Variants in PTPRA observed in about 807,000 individuals in gnomAD.
PTPRA encodes the protein protein tyrosine phosphatase receptor type A.
In PTPRA, 25 loss-of-function variants were observed where a neutral mutation model predicts 104.8. That is an observed-to-expected ratio of 0.24 (90% CI 0.17 to 0.33). PTPRA has a LOEUF of 0.33. PTPRA is among the 10% of genes least tolerant of loss of function. The probability of loss-of-function intolerance (pLI) is 1.00; values close to 1 mark genes in which losing one functional copy is unlikely to be tolerated. For synonymous variants in PTPRA, 323 were observed against 368.9 expected (o/e 0.88, Z 1.43); for missense variants, 765 against 1,015.3 (o/e 0.75, Z 3.35).
chr20:2,945,374 C>G (rs1172948867), intron 2 of PTPRA, among the ~76,000 whole-genome samples: 1 of 152,030 alleles, frequency 6.6e-6, no homozygotes, highest in African/African-American at 2.4e-5. Flanking sequence ...CTAGCTTTGC[C>G]TAGGAGTCTT....
In PTPRA at chr20:2,956,950, C is replaced by A. The variant is rs577973437; in HGVS notation, c.-6-7322C>A. Among the ~76,000 whole-genome samples the A allele has an allele frequency of 3.9e-5, 6 of 152,296 alleles. No individual in the cohort carries two copies. In the South Asian group the frequency reaches 1.2e-3, roughly 32 times the overall value. ...TTTACTCAAACTCTTGCCAATGCAG[C>A]ATTATCAAAGTTTTTTATGTTCGCC... is the stretch of plus-strand genomic sequence containing the variant. On this transcript the variant is annotated intron_variant, in intron 3 of 23. Coordinates refer to ENST00000399903, the MANE Select transcript of PTPRA (RefSeq NM_001385305.1).
At chr20:2,870,530 A>G (rs537360714), upstream of PTPRA, among the ~76,000 whole-genome samples, 2 of 152,286 alleles carry the variant, frequency 1.3e-5, no homozygotes, top group Admixed American at 6.5e-5. Context: ...TCCTATCCAG[A>G]ATGTAAGCTC....
At chr20:2,924,808 G>A (rs957380253) in intron 2 of PTPRA, among the ~76,000 whole-genome samples, 1 of 152,088 alleles carries the variant, frequency 6.6e-6, no homozygotes, top group Non-Finnish European at 1.5e-5. Context: ...AGCTTCCCAA[G>A]TAGCTGGGAT....
chr20:2,960,062 T>C (rs1010459437), intron 3 of PTPRA, among the ~76,000 whole-genome samples: 3 of 152,204 alleles, frequency 2.0e-5, no homozygotes, highest in South Asian at 2.1e-4. Context: ...TTTGTTGCAA[T>C]TGATGGACCA....
At position 2,950,410 on chromosome 20, in the gene PTPRA, G is replaced by A. The variant is rs1274369863; in HGVS notation, c.-7+2386G>A. Reference sequence around the variant, plus strand: ...TCCCAGCACTTTGGGAGGCCGAGGCGGGCGGATCACGAGGTCAAGAGATCG... The same window carrying A: ...TCCCAGCACTTTGGGAGGCCGAGGCAGGCGGATCACGAGGTCAAGAGATCG... On this transcript the variant is annotated intron_variant, in intron 3 of 23. Transcript: ENST00000399903. The surrounding 1 kb of genome is among the most constrained non-coding windows in gnomAD (Gnocchi z 4.0). Among the ~76,000 whole-genome samples the A allele has an allele frequency of 1.3e-5, 2 of 152,000 alleles. No individual in the cohort carries two copies. Among genetic ancestry groups the A allele is most frequent in the Admixed American group, 6.6e-5 (1 of 15,252 alleles).
chr20:2,924,270 C>CATG (rs2060209230), intron 2 of PTPRA, among the ~76,000 whole-genome samples: 1 of 152,084 alleles, frequency 6.6e-6, no homozygotes, highest in African/African-American at 2.4e-5. Flanking sequence ...AGTGTGGTGG[C>CATG]TCACGCCTGT....
At chr20:2,880,055 G>A (rs1281650542) in intron 1 of PTPRA, among the ~76,000 whole-genome samples, 1 of 152,200 alleles carries the variant, frequency 6.6e-6, no homozygotes, top group Non-Finnish European at 1.5e-5. Context: ...GAATGGCAAG[G>A]AGCAGAGTTG....
At chr20:2,864,723 A>G in the PTPRA span, 7 of 1,516,086 alleles carry the variant, frequency 4.6e-6, no homozygotes, top group African/African-American at 1.4e-5. The surrounding 1 kb of genome is among the most constrained non-coding windows in gnomAD (Gnocchi z 5.2). Context: ...CGGTTCCTTC[A>G]GGAATCTAGG....
rs6133001 is a variant in PTPRA, at chr20:3,005,437, C to G, written c.829+291C>G. 3.7e-4 allele frequency among the ~76,000 whole-genome samples: 56 copies of G among 152,166 alleles called. 1 individual carries two copies. The East Asian group carries it at 0.01, about 27-fold the overall frequency. On this transcript the variant is annotated intron_variant, in intron 10 of 23. Coordinates refer to ENST00000399903, the MANE Select transcript of PTPRA (RefSeq NM_001385305.1). ...TGGTGGTGTGTGTCTGTCGTCCCAG[C>G]TACTCAGGAGGCTGAGGTAGGAGGA...
At position 3,035,729 on chromosome 20, in the gene PTPRA, G is replaced by A. The variant is rs766929507; in HGVS notation, c.2046+19G>A. 3 of 1,614,040 alleles carry A rather than the reference G, an allele frequency of 1.9e-6. No homozygotes were observed. The Admixed American group carries it at 5.0e-5, about 27-fold the overall frequency. Reference sequence around the variant, plus strand: ...CACCAGGGTAAGATGGGTCGTGGGTGGACTCTGCCCACAGGAAAAGCAGGG... The same window carrying A: ...CACCAGGGTAAGATGGGTCGTGGGTAGACTCTGCCCACAGGAAAAGCAGGG... On this transcript the variant is annotated intron_variant, in intron 21 of 23. Transcript: ENST00000399903. This position sits in a 1 kb window ranked among gnomAD's most constrained non-coding sequence, Gnocchi z 5.8.
intron 7 of PTPRA, 118 bp downstream of exon 7, chr20:2,986,967 A>G (rs931264864): frequency 1.1e-6 from 1 of 892,064 alleles, no homozygotes; most frequent in Non-Finnish European, 1.8e-6. Flanking sequence ...TAGAGGGGGA[A>G]TGACCCATGA....
At chr20:2,989,941 C>G (rs751137786) in intron 9 of PTPRA, among the ~76,000 whole-genome samples, 1 of 151,792 alleles carries the variant, frequency 6.6e-6, no homozygotes, top group East Asian at 1.9e-4. Context: ...GGTCAGAACC[C>G]GGGAGGCGGA....
chr20:2,965,399 G>T (rs1385591680), intron 5 of PTPRA, among the ~76,000 whole-genome samples, 197 bp downstream of exon 5: 1 of 152,174 alleles, frequency 6.6e-6, no homozygotes, highest in Non-Finnish European at 1.5e-5. Context: ...ATATCTTTCT[G>T]CTAGGTGGGA....
In PTPRA at chr20:2,919,728, A is replaced by G. The variant is rs560708082; in HGVS notation, c.-128-3479A>G. ...GAGGCCATAAACAGTTAAAGAGTTA[A>G]TGATTGACTCTAGGGCTAAGGGAAA... On this transcript the variant is annotated intron_variant, in intron 1 of 23. Transcript: ENST00000399903. Among the ~76,000 whole-genome samples, 38 of 151,686 alleles carry G rather than the reference A, an allele frequency of 2.5e-4. No individual in the cohort carries two copies. The South Asian group carries it at 7.3e-3, about 29-fold the overall frequency.
rs144329265 is a variant in PTPRA, at chr20:2,955,627, C to T, written c.-7+7603C>T. ...GTTCTAGGACTTCTTCAGAAGCTTG[C>T]CAGTTTTTCAAGCTGATTTCTCTCA... On this transcript the variant is annotated intron_variant, in intron 3 of 23. Coordinates refer to ENST00000399903, the MANE Select transcript of PTPRA (RefSeq NM_001385305.1). 5.1e-6 allele frequency: 5 copies of T among 985,208 alleles called. No homozygotes were observed. In the African/African-American group the frequency reaches 8.7e-5, roughly 17 times the overall value. 61.0% of individuals were successfully genotyped at this position (985,208 alleles called of 1,614,324 possible).
chr20:2,924,385 A>G (rs1482777477), intron 2 of PTPRA, among the ~76,000 whole-genome samples: 1 of 152,238 alleles, frequency 6.6e-6, no homozygotes, highest in Non-Finnish European at 1.5e-5. Context: ...CAATCTGGGC[A>G]ACAGGGCGAG....
intron 9 of PTPRA, among the ~76,000 whole-genome samples, chr20:3,002,052 A>T (rs2063652398): frequency 6.6e-6 from 1 of 152,108 alleles, no homozygotes; most frequent in South Asian, 2.1e-4. Context: ...AGGCAGTAGG[A>T]TACCTCCAGC....
intron 3 of PTPRA, among the ~76,000 whole-genome samples, chr20:2,958,679 A>AT (rs2061628485): frequency 7.1e-6 from 1 of 140,504 alleles, no homozygotes; most frequent in African/African-American, 2.7e-5. Context: ...AAAAAAAAAA[A>AT]AAAAAAGAAA....
chr20:2,881,907 G>T (rs971006913), intron 1 of PTPRA, among the ~76,000 whole-genome samples: 7 of 152,194 alleles, frequency 4.6e-5, no homozygotes, highest in Admixed American at 3.9e-4. Context: ...GGCTGAGGCA[G>T]GAGAATCGCT....
Sources: allele counts gnomAD v4.1 joint callset (sites outside exome capture counted in the v4.1 genomes callset), GRCh38; gene constraint gnomAD v4.1.1; non-coding constraint Gnocchi (gnomAD v3.1); transcripts MANE v1.5; gene names NCBI Gene and HGNC (gene_info 2026-07-23, HGNC 2026-07-21).